FBH1: variants seen among roughly 807,000 people sequenced by gnomAD.
The protein encoded by FBH1 is F-box DNA helicase 1.
In FBH1, 43 loss-of-function variants were observed where a neutral mutation model predicts 115.5. That is an observed-to-expected ratio of 0.37 (90% CI 0.29 to 0.48). FBH1 has a LOEUF of 0.48. Among genes scored for constraint, FBH1 ranks in the 20% least tolerant of loss-of-function variants. FBH1 has a pLI of 0.99. For synonymous variants in FBH1, 524 were observed against 507.8 expected, an observed-to-expected ratio of 1.03 and a Z score of -0.43; for missense variants, 1,001 against 1,337.3, an observed-to-expected ratio of 0.75 and a Z score of 3.92.
chr10:5,913,666 T>TAA lies in FBH1; in HGVS notation c.1212-81_1212-80insAA. 1 of 983,062 alleles carries TAA rather than the reference T, an allele frequency of 1.0e-6. No homozygotes were observed. The highest frequency in any genetic ancestry group is 1.5e-6 in the Non-Finnish European group (1 of 671,412). 60.9% of individuals were successfully genotyped at this position (983,062 alleles called of 1,614,324 possible). On this transcript the variant is annotated intron_variant, in intron 6 of 20. Coordinates refer to ENST00000362091, the MANE Select transcript of FBH1 (RefSeq NM_178150.3). The surrounding 1 kb of genome is among the most constrained non-coding windows in gnomAD (Gnocchi z 4.4). The stretch of plus-strand genomic sequence containing the variant: ...TTTTCTTTTTAGAAATGGGAAGGAG[T>TAA]TTAAATCCATCTGAGGAAAAATAAG...
chr10:5,932,167 T>C lies in FBH1; in HGVS notation c.2830-4289T>C, dbSNP rs117133643. Among the ~76,000 whole-genome samples the C allele has an allele frequency of 5.6e-3, 857 of 152,308 alleles. 7 individuals are homozygous for C. The highest frequency in any genetic ancestry group is 8.6e-3 in the Non-Finnish European group (585 of 68,026). On this transcript the variant is annotated intron_variant, in intron 19 of 20. Coordinates refer to ENST00000362091, the MANE Select transcript of FBH1 (RefSeq NM_178150.3). The surrounding 1 kb of genome is among the most constrained non-coding windows in gnomAD (Gnocchi z 5.9). Reference sequence around the variant, plus strand: ...GTCTCAAAAGAAAAGATCAAAACTTTGTGATAAGAGAAGTCTCATTACCTC... The same window carrying C: ...GTCTCAAAAGAAAAGATCAAAACTTCGTGATAAGAGAAGTCTCATTACCTC...
At chr10:5,901,242 G>A (rs549769697) in intron 1 of FBH1, among the ~76,000 whole-genome samples, 10 of 152,156 alleles carry the variant, frequency 6.6e-5, no homozygotes, top group Admixed American at 4.6e-4. Context: ...GTGCGACCTC[G>A]GCTCACTGCA....
rs1831582837 is a variant in FBH1 at position 5,911,410 on chromosome 10, CA to C, written c.1211+284del. 6.6e-6 allele frequency among the ~76,000 whole-genome samples: 1 copy of C among 152,216 alleles called. No homozygotes were observed. Among genetic ancestry groups the C allele is most frequent in the Non-Finnish European group, 1.5e-5 (1 of 68,038 alleles). On this transcript the variant is annotated intron_variant, in intron 6 of 20. Coordinates refer to ENST00000362091, the MANE Select transcript of FBH1 (RefSeq NM_178150.3). The surrounding 1 kb of genome is among the most constrained non-coding windows in gnomAD (Gnocchi z 5.4). Reference sequence around the variant, plus strand: ...TGCAGCCTTAGGGGAAGCCCCTCGCCAAGAGAAGCCTTTCTTATTCACCCGT... The same window carrying C: ...TGCAGCCTTAGGGGAAGCCCCTCGCCAGAGAAGCCTTTCTTATTCACCCGT...
In FBH1 at chr10:5,906,326, G is replaced by C; in HGVS notation, c.447G>C (p.Arg149=). Residue 149 remains arginine, a synonymous_variant, in exon 3 of 21, where the codon CGG becomes CGC. Coordinates refer to ENST00000362091, the MANE Select transcript of FBH1 (RefSeq NM_178150.3). This position sits in a 1 kb window ranked among gnomAD's most constrained non-coding sequence, Gnocchi z 7.3. ...ATGGAGTTTCTAAGAAAGCTCCACG[G>C]CACCATTTGTCTGTGCCATGCACAA... ...RWDGVSKKAP[R]HHLSVPCTRP... is the part of the protein sequence containing the mutation. 6.2e-7 allele frequency: 1 copy of C among 1,614,220 alleles called. No individual in the cohort carries two copies. The highest frequency in any genetic ancestry group is 8.5e-7 in the Non-Finnish European group (1 of 1,180,028).
Position 5,899,632 on chromosome 10 carries a change from C to T in FBH1, c.2-3388C>T, listed in dbSNP as rs182069469. On this transcript the variant is annotated intron_variant, in intron 1 of 20. Transcript: ENST00000362091. ...CTATAGGGCCTGTGGATTTGCTGCCCGGAGTCCTGCAGCTGCTCCTGCTGT... is the reference window on the plus strand; with the variant it reads ...CTATAGGGCCTGTGGATTTGCTGCCTGGAGTCCTGCAGCTGCTCCTGCTGT... Among the ~76,000 whole-genome samples, 6 of 152,212 alleles carry T rather than the reference C, an allele frequency of 3.9e-5. No homozygotes were observed. In the East Asian group the frequency reaches 7.7e-4, roughly 20 times the overall value.
Position 5,909,048 on chromosome 10 carries a change from C to G in FBH1, c.877C>G (p.Leu293Val), listed in dbSNP as rs1831393075. 1.2e-6 allele frequency: 2 copies of G among 1,614,168 alleles called. No homozygotes were observed. Among genetic ancestry groups the G allele is most frequent in the Non-Finnish European group, 1.7e-6 (2 of 1,180,048 alleles). ...GGAGTCAGACCTGTGTGTGCTGAAC[C>G]TCATACGGTGAGCTTTGCCTGTGCT... is the stretch of plus-strand genomic sequence containing the variant. ...EKESDLCVLNLIRYTATTKCS... is the reference protein window; with the variant it reads ...EKESDLCVLNVIRYTATTKCS... Residue 293 changes from leucine (L) to valine (V), a missense_variant, in exon 4 of 21, where the codon CTC (leucine) becomes GTC (valine). By Grantham distance (32) the Leu-to-Val change is conservative (BLOSUM62 1). This residue lies in a region of FBH1 where 420 missense variants were observed against 430.4 expected (regional missense o/e 0.98). Transcript: ENST00000362091. This position sits in a 1 kb window ranked among gnomAD's most constrained non-coding sequence, Gnocchi z 4.4.
At chr10:5,899,932 C>T (rs1243576438) in intron 1 of FBH1, among the ~76,000 whole-genome samples, 1 of 152,110 alleles carries the variant, frequency 6.6e-6, no homozygotes, top group African/African-American at 2.4e-5. Flanking sequence ...TATTTTGTTT[C>T]TGTGTGAATA....
chr10:5,896,114 T>G (rs564748824), intron 1 of FBH1, among the ~76,000 whole-genome samples: 16 of 152,188 alleles, frequency 1.1e-4, no homozygotes, highest in Admixed American at 2.0e-4. Flanking sequence ...TTCCCCCTTG[T>G]GCACTTTGAG....
chr10:5,922,520 A>G (rs1226112637), intron 15 of FBH1, among the ~76,000 whole-genome samples: 2 of 152,236 alleles, frequency 1.3e-5, no homozygotes, highest in Non-Finnish European at 2.9e-5. Context: ...AATATCATAC[A>G]CACTGGCATG....
In FBH1 at chr10:5,910,928, T is replaced by C. The variant is rs772625706; in HGVS notation, c.1021-10T>C. On this transcript the variant is annotated splice_polypyrimidine_tract_variant and intron_variant, in intron 5 of 20. Coordinates refer to ENST00000362091, the MANE Select transcript of FBH1 (RefSeq NM_178150.3). This position sits in a 1 kb window ranked among gnomAD's most constrained non-coding sequence, Gnocchi z 4.8. ...GGCTGTCCCTCCCTCCCTGTGCACC[T>C]GGCTTGCAGGGTGTCAACATCTGGG... is the stretch of plus-strand genomic sequence containing the variant. The C allele has an allele frequency of 6.2e-7, 1 of 1,604,242 alleles. No individual in the cohort carries two copies. The highest frequency in any genetic ancestry group is 1.7e-5 in the Admixed American group (1 of 59,576).
At chr10:5,896,946 TAA>T (rs1384572949) in intron 1 of FBH1, among the ~76,000 whole-genome samples, 1 of 152,204 alleles carries the variant, frequency 6.6e-6, no homozygotes, top group Admixed American at 6.5e-5. Context: ...CTTATTTTGA[TAA>T]AGTTATTTTT....
intron 13 of FBH1, among the ~76,000 whole-genome samples, chr10:5,920,164 C>T (rs1322134176): frequency 1.3e-5 from 2 of 152,218 alleles, no homozygotes; most frequent in Non-Finnish European, 2.9e-5. Flanking sequence ...CCAGAAGTTC[C>T]AGTCAGGCAT....
rs1174123330 is a variant in FBH1 at position 5,914,296 on chromosome 10, A to AGGT, written c.1396+34_1396+36dup. 1.2e-6 allele frequency: 2 copies of AGGT among 1,606,076 alleles called. No individual in the cohort carries two copies. The highest frequency in any genetic ancestry group is 2.7e-5 in the African/African-American group (2 of 74,784). ...TAAGGGAGCCCACATCAGGTTCACG[A>AGGT]GGTGGTGGTTTTCTGCCTTTTCTCC... On this transcript the variant is annotated intron_variant, in intron 8 of 20. Coordinates refer to ENST00000362091, the MANE Select transcript of FBH1 (RefSeq NM_178150.3). This position sits in a 1 kb window ranked among gnomAD's most constrained non-coding sequence, Gnocchi z 5.2.
intron 3 of FBH1, 114 bp from the exon 4 acceptor site, chr10:5,908,811 A>ATGT (rs1403134388): frequency 8.4e-7 from 1 of 1,196,958 alleles, no homozygotes; most frequent in Non-Finnish European, 1.2e-6. Context: ...GGGCTTCACC[A>ATGT]TGTTGGCCAT....
chr10:5,900,326 G>A lies in FBH1; in HGVS notation c.2-2694G>A, dbSNP rs1339493986. On this transcript the variant is annotated intron_variant, in intron 1 of 20. Coordinates refer to ENST00000362091, the MANE Select transcript of FBH1 (RefSeq NM_178150.3). This position sits in a 1 kb window ranked among gnomAD's most constrained non-coding sequence, Gnocchi z 4.2. ...GATGACACTTATCAGACTTAGATGA[G>A]ATTGGGCGCGTTCAGGGTGGTATGG... Among the ~76,000 whole-genome samples the A allele has an allele frequency of 6.6e-6, 1 of 152,242 alleles. No homozygotes were observed. The highest frequency in any genetic ancestry group is 1.5e-5 in the Non-Finnish European group (1 of 68,048).
rs894317555 is a variant in FBH1 at position 5,936,320 on chromosome 10, C to T, written c.2830-136C>T. ...AAAAGTTAGAGGAAGTAAGGGAGAACGGGTTAGGCGGGGTTTTTCTCTCTG... is the reference window on the plus strand; with the variant it reads ...AAAAGTTAGAGGAAGTAAGGGAGAATGGGTTAGGCGGGGTTTTTCTCTCTG... On this transcript the variant is annotated intron_variant, in intron 19 of 20. Coordinates refer to ENST00000362091, the MANE Select transcript of FBH1 (RefSeq NM_178150.3). This position sits in a 1 kb window ranked among gnomAD's most constrained non-coding sequence, Gnocchi z 5.6. The T allele has an allele frequency of 6.7e-5, 61 of 914,190 alleles. No homozygotes were observed. In the South Asian group the frequency reaches 8.5e-4, roughly 13 times the overall value. 56.6% of individuals were successfully genotyped at this position (914,190 alleles called of 1,614,324 possible). A position where few individuals can be genotyped will look rare whatever the true frequency, so the allele number is the denominator to read the frequency against.
At chr10:5,891,977 C>G (rs1453434423) in intron 1 of FBH1, among the ~76,000 whole-genome samples, 6 of 152,212 alleles carry the variant, frequency 3.9e-5, no homozygotes, top group Non-Finnish European at 7.3e-5. Flanking sequence ...GATTCTGCCT[C>G]TTGTGTCTTC....
chr10:5,901,038 A>T (rs1248431919), intron 1 of FBH1, among the ~76,000 whole-genome samples: 3 of 152,210 alleles, frequency 2.0e-5, no homozygotes, highest in Non-Finnish European at 4.4e-5. Context: ...TGAATGTTGC[A>T]GTGAGCCAAG....
rs552190463 is a variant in FBH1 at position 5,890,296 on chromosome 10, C to T, written c.-50C>T. On this transcript the variant is annotated 5_prime_UTR_variant, in exon 1 of 21. Transcript: ENST00000362091. ...GGGGGACGCTGGGCTGAGCGGCCGG[C>T]GGCGCGGGCCCGGCGGCGGCGGCAG... 1.4e-3 allele frequency: 518 copies of T among 373,236 alleles called. 3 individuals carry two copies. Among genetic ancestry groups the T allele is most frequent in the African/African-American group, 0.01 (478 of 46,874 alleles). 23.1% of individuals were successfully genotyped at this position (373,236 alleles called of 1,614,324 possible).
Sources: gnomAD v4.1 joint callset for allele counts (sites outside exome capture counted in the v4.1 genomes callset) on GRCh38, gnomAD v4.1.1 for gene constraint, gnomAD v4.1.1 regional missense constraint, Gnocchi (gnomAD v3.1) non-coding constraint, MANE v1.5 for transcripts, NCBI Gene and HGNC (gene_info 2026-07-23, HGNC 2026-07-21) for gene names.